The following ZNF141 variants were observed in gnomAD, a reference collection of about 807,000 sequenced individuals.
The protein encoded by ZNF141 is zinc finger protein 141 (clone pHZ-44).
Under a neutral mutation model 11.3 loss-of-function variants are expected in ZNF141, and 7 were observed. The observed-to-expected ratio is 0.62, with a 90% CI of 0.35 to 1.16. ZNF141 has a LOEUF of 1.16. Ranked by LOEUF, ZNF141 falls within the 50% of genes most tolerant of loss-of-function variation. The pLI, the probability that ZNF141 is intolerant of heterozygous loss-of-function variation, is 0.02. For missense variants in ZNF141, 535 were observed against 554.0 expected, an observed-to-expected ratio of 0.97 and a Z score of 0.34; for synonymous variants, 183 against 190.7, an observed-to-expected ratio of 0.96 and a Z score of 0.33.
chr4:373,243 C>A lies in ZNF141; in HGVS notation c.806C>A (p.Thr269Asn), dbSNP rs1712170530. The change falls in exon 4 of 4, where the codon ACC becomes AAC. Residue 269 changes from threonine to asparagine, a missense_variant. Thr to Asn is a moderately conservative substitution (Grantham distance 65). Coordinates refer to ENST00000240499, the MANE Select transcript of ZNF141 (RefSeq NM_003441.4). ...ECGKAFNRFT[T>N]LTKHKRIHAG... ...GGCAAAGCCTTTAATAGGTTCACAA[C>A]CCTTACTAAACATAAGAGAATTCAT... is the stretch of plus-strand genomic sequence containing the variant. 1 of 1,609,960 alleles carries A rather than the reference C, an allele frequency of 6.2e-7. No individual in the cohort carries two copies. Among genetic ancestry groups the A allele is most frequent in the Non-Finnish European group, 8.5e-7 (1 of 1,178,508 alleles).
At chr4:347,314 G>A (rs1311927292) in intron 3 of ZNF141, among the ~76,000 whole-genome samples, 1 of 150,358 alleles carries the variant, frequency 6.7e-6, no homozygotes, top group African/African-American at 2.4e-5. Flanking sequence ...TGGGATTACA[G>A]GAGTGAGACA....
At position 356,489 on chromosome 4, in the gene ZNF141, T is replaced by A. The variant is rs541389281; in HGVS notation, c.226+12059T>A. On this transcript the variant is annotated intron_variant, in intron 3 of 3. Coordinates refer to ENST00000240499, the MANE Select transcript of ZNF141 (RefSeq NM_003441.4). The stretch of plus-strand genomic sequence containing the variant: ...TACAGGCGCGTGCCACCACACCCGG[T>A]TAATTGTCTGTATTTTTTGTAGAGT... Among the ~76,000 whole-genome samples, 4 of 151,730 alleles carry A rather than the reference T, an allele frequency of 2.6e-5. No individual in the cohort carries two copies. In the South Asian group the frequency reaches 8.4e-4, roughly 32 times the overall value.
At chr4:354,262 T>C (rs1553850923) in intron 3 of ZNF141, among the ~76,000 whole-genome samples, 1 of 145,648 alleles carries the variant, frequency 6.9e-6, no homozygotes, top group Admixed American at 6.6e-5. Flanking sequence ...CCTTTTCTTA[T>C]TCTGCATTTT....
chr4:360,014 C>G (rs1445482889), intron 3 of ZNF141, among the ~76,000 whole-genome samples: 4 of 152,144 alleles, frequency 2.6e-5, no homozygotes, highest in African/African-American at 9.7e-5. Context: ...ATAAACAAAA[C>G]CAAATGATAG....
chr4:358,237 G>T, intron 3 of ZNF141: 1 of 382,156 alleles, frequency 2.6e-6, no homozygotes, highest in Non-Finnish European at 5.0e-6. Context: ...ACCCAGACTG[G>T]AGTGCAATGG....
chr4:338,827 A>G (rs1247366835), intron 1 of ZNF141, among the ~76,000 whole-genome samples: 1 of 152,124 alleles, frequency 6.6e-6, no homozygotes, highest in Non-Finnish European at 1.5e-5. Context: ...CGGAGCATTG[A>G]CTGGTGTTGA....
intron 3 of ZNF141, among the ~76,000 whole-genome samples, chr4:345,750 A>AAAAT: frequency 6.6e-6 from 1 of 150,742 alleles, no homozygotes; most frequent in Non-Finnish European, 1.5e-5. Flanking sequence ...AAAAAAAAAA[A>AAAAT]GTTTTTGAAA....
rs1306982432 is a variant in ZNF141 at position 381,571 on chromosome 4, G to C, written c.*7709G>C. Among the ~76,000 whole-genome samples the C allele has an allele frequency of 6.6e-6, 1 of 151,826 alleles. No homozygotes were observed. The highest frequency in any genetic ancestry group is 2.4e-5 in the African/African-American group (1 of 41,314). On this transcript the variant is annotated 3_prime_UTR_variant, in exon 4 of 4. Coordinates refer to ENST00000240499, the MANE Select transcript of ZNF141 (RefSeq NM_003441.4). ...CTAACAGGTGCGCCCCACCACGCCT[G>C]AAAAATTTTTGTATTTTTAGTAGAG...
At chr4:338,082 CT>C in intron 1 of ZNF141, 96 bp downstream of exon 1, 1 of 1,551,906 alleles carries the variant, frequency 6.4e-7, no homozygotes, top group Non-Finnish European at 8.8e-7. Context: ...GGAGTCCCCG[CT>C]GCCGCCGCTC....
intron 1 of ZNF141, among the ~76,000 whole-genome samples, chr4:342,360 C>T (rs541790345): frequency 6.6e-6 from 1 of 152,130 alleles, no homozygotes; most frequent in African/African-American, 2.4e-5. Context: ...CAGAGAATGC[C>T]ATGTTTGAAG....
rs2108655063 is a variant in ZNF141, at chr4:373,411, C to T, written c.974C>T (p.Thr325Ile). The change falls in exon 4 of 4, where the codon ACC (threonine) becomes ATC (isoleucine). Residue 325 changes from threonine to isoleucine, a missense_variant. Coordinates refer to ENST00000240499, the MANE Select transcript of ZNF141 (RefSeq NM_003441.4). ...GGCAAAGCCTTTAATAGGTCCACAACCCTTACTAAACATAAGAGAATTCAT... is the reference window on the plus strand; with the variant it reads ...GGCAAAGCCTTTAATAGGTCCACAATCCTTACTAAACATAAGAGAATTCAT... ...ECGKAFNRST[T>I]LTKHKRIHTG... is the part of the protein sequence containing the mutation. The T allele has an allele frequency of 6.2e-7, 1 of 1,603,982 alleles. No individual in the cohort carries two copies. Among genetic ancestry groups the T allele is most frequent in the East Asian group, 2.3e-5 (1 of 44,266 alleles).
In ZNF141 at chr4:383,129, A is replaced by T. The variant is rs1315250980; in HGVS notation, c.*9267A>T. 5 of 701,604 alleles carry T rather than the reference A, an allele frequency of 7.1e-6. No homozygotes were observed. Among genetic ancestry groups the T allele is most frequent in the African/African-American group, 7.0e-5 (4 of 57,158 alleles). The allele number at this position is 701,604 out of a possible 1,614,324, so 43.5% of individuals were successfully genotyped here. ...ATCTCTATGACAACAAGCCCATTTT[A>T]GCTTTCTGGAGAATAGCATCTGAGA... On this transcript the variant is annotated 3_prime_UTR_variant, in exon 4 of 4. Transcript: ENST00000240499.
intron 3 of ZNF141, among the ~76,000 whole-genome samples, chr4:347,888 G>A (rs1380154763): frequency 1.3e-5 from 2 of 149,916 alleles, no homozygotes; most frequent in Non-Finnish European, 3.0e-5. Flanking sequence ...TCTGTCGCCC[G>A]AGCTGAAGTG....
At chr4:367,532 T>TTA (rs1324191500) in intron 3 of ZNF141, among the ~76,000 whole-genome samples, 3 of 151,878 alleles carry the variant, frequency 2.0e-5, no homozygotes, top group Admixed American at 6.6e-5. Flanking sequence ...TTTTTTTTTT[T>TTA]TTGATGTGGA....
At position 371,118 on chromosome 4, in the gene ZNF141, TTA is replaced by T. The variant is rs149751505; in HGVS notation, c.227-1530_227-1529del. Among the ~76,000 whole-genome samples, 1,293 of 147,130 alleles carry T rather than the reference TTA, an allele frequency of 8.8e-3. 15 individuals are homozygous for T. The highest frequency in any genetic ancestry group is 0.038 in the South Asian group (180 of 4,692). The stretch of plus-strand genomic sequence containing the variant: ...TTTTTTATATTTTTAATGTTTTCAT[TTA>T]TATATATATATATATTTTAATTATA... On this transcript the variant is annotated intron_variant, in intron 3 of 3. Transcript: ENST00000240499.
intron 3 of ZNF141, 78 bp downstream of exon 3, chr4:344,508 G>C: frequency 7.5e-7 from 1 of 1,329,270 alleles, no homozygotes; most frequent in Non-Finnish European, 1.0e-6. Context: ...TTAAAATGTG[G>C]TTTGGGGCCG....
Position 381,571 on chromosome 4 carries a change from G to A in ZNF141, c.*7709G>A, listed in dbSNP as rs1306982432. Among the ~76,000 whole-genome samples the A allele has an allele frequency of 6.6e-6, 1 of 151,826 alleles. No individual in the cohort carries two copies. Among genetic ancestry groups the A allele is most frequent in the Non-Finnish European group, 1.5e-5 (1 of 67,982 alleles). On this transcript the variant is annotated 3_prime_UTR_variant, in exon 4 of 4. Coordinates refer to ENST00000240499, the MANE Select transcript of ZNF141 (RefSeq NM_003441.4). ...CTAACAGGTGCGCCCCACCACGCCT[G>A]AAAAATTTTTGTATTTTTAGTAGAG...
At chr4:342,810 A>G (rs1721113953) in intron 1 of ZNF141, 2 of 1,604,914 alleles carry the variant, frequency 1.2e-6, no homozygotes, top group Admixed American at 1.7e-5. Context: ...GCACTACAGA[A>G]AAAATTCAAA....
chr4:381,719 T>G lies in ZNF141; in HGVS notation c.*7857T>G, dbSNP rs1206095706. ...CCACCATGCCCTCAAATATGCTTTC[T>G]TAGTACTCCACATTTATGCAGCCAT... On this transcript the variant is annotated 3_prime_UTR_variant, in exon 4 of 4. Coordinates refer to ENST00000240499, the MANE Select transcript of ZNF141 (RefSeq NM_003441.4). Among the ~76,000 whole-genome samples, 1 of 152,070 alleles carries G rather than the reference T, an allele frequency of 6.6e-6. No individual in the cohort carries two copies. Among genetic ancestry groups the G allele is most frequent in the African/African-American group, 2.4e-5 (1 of 41,472 alleles).
Sources: allele counts gnomAD v4.1 joint callset (sites outside exome capture counted in the v4.1 genomes callset), GRCh38; gene constraint gnomAD v4.1.1; transcripts MANE v1.5; gene names NCBI Gene and HGNC (gene_info 2026-07-23, HGNC 2026-07-21).